The following VSTM4 variants were observed in gnomAD, a reference collection of about 807,000 sequenced individuals.
The protein encoded by VSTM4 is V-set and transmembrane domain-containing protein 4.
Under a neutral mutation model 36.4 loss-of-function variants are expected in VSTM4, and 20 were observed. That is an observed-to-expected ratio of 0.55 (90% CI 0.39 to 0.80). The LOEUF is 0.80. Ranked by LOEUF, VSTM4 falls within the 30% of genes least tolerant of loss-of-function variation. The probability of loss-of-function intolerance (pLI) is 0.00; values close to 1 mark genes in which losing one functional copy is unlikely to be tolerated. For synonymous variants in VSTM4, 182 were observed against 173.9 expected, an observed-to-expected ratio of 1.05 and a Z score of -0.37; for missense variants, 392 against 404.5, an observed-to-expected ratio of 0.97 and a Z score of 0.26.
intron 2 of VSTM4, among the ~76,000 whole-genome samples, chr10:49,088,314 C>T (rs1490434195): frequency 6.6e-6 from 1 of 152,156 alleles, no homozygotes; most frequent in Non-Finnish European, 1.5e-5. Flanking sequence ...TTCTGACTTC[C>T]TCCCAAAGGA....
At chr10:49,059,107 T>C (rs947414995) in intron 5 of VSTM4, among the ~76,000 whole-genome samples, 2 of 152,210 alleles carry the variant, frequency 1.3e-5, no homozygotes, top group African/African-American at 4.8e-5. Context: ...TGGCGGCCAG[T>C]CTGGGCTGCA....
At position 49,014,669 on chromosome 10, in the gene VSTM4, T is replaced by C. The variant is rs1340820255; in HGVS notation, c.*4981A>G. 6.6e-6 allele frequency: 1 copy of C among 152,196 alleles called. No individual in the cohort carries two copies. The highest frequency in any genetic ancestry group is 1.5e-5 in the Non-Finnish European group (1 of 68,046). 9.4% of individuals were successfully genotyped at this position (152,196 alleles called of 1,614,324 possible). On this transcript the variant is annotated 3_prime_UTR_variant, in exon 8 of 8. Coordinates refer to ENST00000332853, the MANE Select transcript of VSTM4 (RefSeq NM_001031746.5). Reference sequence around the variant, plus strand: ...AAAGCAGTAATCAATTAATTCAGAATGAGCAAAGGCTTAACCTCTATTCTC... The same window carrying C: ...AAAGCAGTAATCAATTAATTCAGAACGAGCAAAGGCTTAACCTCTATTCTC...
At chr10:49,038,836 G>A (rs551292261) in intron 7 of VSTM4, among the ~76,000 whole-genome samples, 1 of 152,250 alleles carries the variant, frequency 6.6e-6, no homozygotes, top group African/African-American at 2.4e-5. Context: ...GATGGCTGCT[G>A]TGCCTGTGAA....
chr10:49,077,918 C>T (rs1439645650), intron 3 of VSTM4, among the ~76,000 whole-genome samples: 1 of 151,356 alleles, frequency 6.6e-6, no homozygotes. Context: ...ACATATCCAA[C>T]AAAGGACTAC....
At chr10:49,057,004 G>A (rs1383772920) in intron 5 of VSTM4, among the ~76,000 whole-genome samples, 1 of 151,942 alleles carries the variant, frequency 6.6e-6, no homozygotes, top group East Asian at 1.9e-4. Flanking sequence ...TCCGGCGAGA[G>A]GGGGGCAAGA....
chr10:49,045,807 T>C (rs1843599476), intron 7 of VSTM4, among the ~76,000 whole-genome samples: 1 of 152,162 alleles, frequency 6.6e-6, no homozygotes, highest in Non-Finnish European at 1.5e-5. Context: ...TACCATGCAA[T>C]GAGAAGGGAG....
chr10:49,061,364 G>T (rs941117557), intron 5 of VSTM4, among the ~76,000 whole-genome samples: 7 of 152,018 alleles, frequency 4.6e-5, no homozygotes, highest in African/African-American at 1.7e-4. Flanking sequence ...TTTACTGTTG[G>T]TTAGAGTGTT....
At chr10:49,104,882 T>G (rs1395781482) in intron 2 of VSTM4, among the ~76,000 whole-genome samples, 242 of 65,486 alleles carry the variant, frequency 3.7e-3, no homozygotes, top group South Asian at 4.3e-3. Context: ...GAGACAGAGA[T>G]ACAAAGAGAG....
At position 49,070,125 on chromosome 10, in the gene VSTM4, C is replaced by T. The variant is rs1307298678; in HGVS notation, c.635-5389G>A. On this transcript the variant is annotated intron_variant, in intron 4 of 7. Coordinates refer to ENST00000332853, the MANE Select transcript of VSTM4 (RefSeq NM_001031746.5). The stretch of plus-strand genomic sequence containing the variant: ...AAAATCAGCCGGGCGTAGTGGCGGG[C>T]GCCTGTAGTCCCAGCTACTTGGGAG... 4.5e-5 allele frequency among the ~76,000 whole-genome samples: 5 copies of T among 111,928 alleles called. 2 individuals are homozygous for T. Among genetic ancestry groups the T allele is most frequent in the African/African-American group, 2.3e-4 (5 of 21,442 alleles). 73.4% of individuals were successfully genotyped at this position (111,928 alleles called of 152,430 possible).
At chr10:49,049,211 C>A (rs1423064537) in intron 5 of VSTM4, among the ~76,000 whole-genome samples, 1 of 152,208 alleles carries the variant, frequency 6.6e-6, no homozygotes, top group East Asian at 1.9e-4. Flanking sequence ...GTGTTTCCAA[C>A]TACCTTGACC....
At chr10:49,090,571 G>A (rs1408614329) in intron 2 of VSTM4, among the ~76,000 whole-genome samples, 2 of 152,144 alleles carry the variant, frequency 1.3e-5, no homozygotes, top group Non-Finnish European at 2.9e-5. Flanking sequence ...TTCCCAGGAA[G>A]GTGCAGGACT....
At chr10:49,110,773 C>T (rs977021759) in intron 1 of VSTM4, among the ~76,000 whole-genome samples, 1 of 152,102 alleles carries the variant, frequency 6.6e-6, no homozygotes, top group African/African-American at 2.4e-5. Flanking sequence ...GGAGAGAGGC[C>T]TCAGGAGAAA....
At chr10:49,078,933 G>C (rs926837907) in intron 3 of VSTM4, among the ~76,000 whole-genome samples, 1 of 152,118 alleles carries the variant, frequency 6.6e-6, no homozygotes, top group Admixed American at 6.5e-5. Context: ...TCAGGTTCAA[G>C]CATTTCTCCA....
At chr10:49,077,077 T>A (rs1844191356) in intron 4 of VSTM4, 142 bp downstream of exon 4, 2 of 774,978 alleles carry the variant, frequency 2.6e-6, no homozygotes, top group South Asian at 1.7e-5. Flanking sequence ...CACAGCTTGC[T>A]CACTTTGCCC....
chr10:49,032,948 T>A (rs935683027), intron 7 of VSTM4, among the ~76,000 whole-genome samples: 2 of 151,906 alleles, frequency 1.3e-5, no homozygotes, highest in Non-Finnish European at 2.9e-5. Flanking sequence ...CTTTTTTTTT[T>A]TTTTGGTGGG....
intron 4 of VSTM4, among the ~76,000 whole-genome samples, chr10:49,069,249 C>T (rs1307247736): frequency 6.6e-6 from 1 of 152,184 alleles, no homozygotes; most frequent in Non-Finnish European, 1.5e-5. Flanking sequence ...TGGTTGATAT[C>T]TACCCACCTT....
intron 2 of VSTM4, chr10:49,103,948 CT>C (rs1218170365): frequency 9.1e-7 from 1 of 1,094,016 alleles, no homozygotes; most frequent in African/African-American, 1.6e-5. Context: ...CCAAGAGCTC[CT>C]GTTTGATATT....
chr10:49,113,346 T>C (rs1844931854), intron 1 of VSTM4, among the ~76,000 whole-genome samples: 1 of 152,214 alleles, frequency 6.6e-6, no homozygotes, highest in Admixed American at 6.5e-5. Context: ...TTCACTCACA[T>C]TAGCCTATCA....
chr10:49,019,827 C>T (rs764831109), intron 7 of VSTM4, 52 bp from the exon 8 acceptor site: 29 of 1,564,334 alleles, frequency 1.9e-5, no homozygotes, highest in Non-Finnish European at 2.5e-5. Flanking sequence ...CACAGGAGCT[C>T]TACATCACAC....
Sources: allele counts gnomAD v4.1 joint callset (sites outside exome capture counted in the v4.1 genomes callset), GRCh38; gene constraint gnomAD v4.1.1; transcripts MANE v1.5; gene names NCBI Gene and HGNC (gene_info 2026-07-23, HGNC 2026-07-21).